Variants in SLC3A1 observed in about 807,000 individuals in gnomAD.
SLC3A1 encodes the protein solute carrier family 3 member 1, also known as amino acid transporter heavy chain SLC3A1.
Under a neutral mutation model 60.3 loss-of-function variants are expected in SLC3A1, and 78 were observed. The observed-to-expected ratio is 1.29, with a 90% CI of 1.08 to 1.56. SLC3A1 has a LOEUF of 1.56. Ranked by LOEUF, SLC3A1 falls within the 40% of genes most tolerant of loss-of-function variation. SLC3A1 has a pLI of 0.00. For missense variants in SLC3A1, 1,172 were observed against 858.9 expected (o/e 1.36, Z -4.56); for synonymous variants, 392 against 307.9 (o/e 1.27, Z -2.86).
chr2:44,317,458 T>TTA (rs1672516986), intron 9 of SLC3A1, among the ~76,000 whole-genome samples: 1 of 35,570 alleles, frequency 2.8e-5, no homozygotes, highest in African/African-American at 1.5e-4. Context: ...GGAGATTGTG[T>TTA]CAAAAAAAAA....
intron 9 of SLC3A1, chr2:44,314,282 A>G (rs1032394649): frequency 5.4e-6 from 3 of 554,514 alleles, no homozygotes; most frequent in Admixed American, 3.2e-5. Context: ...CTTCCCCTCA[A>G]AAGGCAGGGA....
Position 44,320,775 on chromosome 2 carries a change from TAAGA to T in SLC3A1, c.*140_*143del. 1 of 739,974 alleles carries T rather than the reference TAAGA, an allele frequency of 1.4e-6. No homozygotes were observed. The highest frequency in any genetic ancestry group is 2.3e-6 in the Non-Finnish European group (1 of 429,740). 45.8% of individuals were successfully genotyped at this position (739,974 alleles called of 1,614,324 possible). On this transcript the variant is annotated 3_prime_UTR_variant, in exon 10 of 10. Transcript: ENST00000260649. The stretch of plus-strand genomic sequence containing the variant: ...TTCTGTAGCTTGAATGTAACTGCTT[TAAGA>T]AAGGTTCTCAAATGTTTTGAAAAAA...
At chr2:44,296,861 T>C (rs934226351) in intron 4 of SLC3A1, among the ~76,000 whole-genome samples, 2 of 152,168 alleles carry the variant, frequency 1.3e-5, no homozygotes, top group African/African-American at 4.8e-5. Flanking sequence ...GTTCTCGTGA[T>C]AGTGAGTTCT....
chr2:44,321,535 T>A, downstream of SLC3A1: 1 of 1,537,560 alleles, frequency 6.5e-7, no homozygotes, highest in Non-Finnish European at 8.8e-7. Context: ...CATCTTTACC[T>A]AACCGTGAAG....
chr2:44,301,995 C>T (rs1180941505), intron 6 of SLC3A1, among the ~76,000 whole-genome samples: 1 of 152,172 alleles, frequency 6.6e-6, no homozygotes, highest in Non-Finnish European at 1.5e-5. Context: ...GTGGAGGTTG[C>T]AGTGAGCTGA....
intron 7 of SLC3A1, among the ~76,000 whole-genome samples, chr2:44,309,231 C>G (rs1672233886): frequency 6.6e-6 from 1 of 152,158 alleles, no homozygotes; most frequent in Non-Finnish European, 1.5e-5. Flanking sequence ...CACCACTAAC[C>G]CCTGATATCC....
At chr2:44,289,422 G>C (rs1232961941) in intron 4 of SLC3A1, among the ~76,000 whole-genome samples, 1 of 151,658 alleles carries the variant, frequency 6.6e-6, no homozygotes, top group Non-Finnish European at 1.5e-5. Context: ...TGTTGGCCAG[G>C]CTGGTCTCGA....
At chr2:44,280,563 G>T (rs1343792933) in intron 1 of SLC3A1, among the ~76,000 whole-genome samples, 153 bp from the exon 2 acceptor site, 3 of 152,118 alleles carry the variant, frequency 2.0e-5, no homozygotes, top group African/African-American at 7.2e-5. Context: ...TGTAGAGCTA[G>T]ATCTTCCTAT....
chr2:44,317,990 C>T (rs1204797906), intron 9 of SLC3A1: 7 of 333,986 alleles, frequency 2.1e-5, no homozygotes, highest in Non-Finnish European at 3.6e-5. Flanking sequence ...CCAGCTATAG[C>T]TATAAACACA....
intron 6 of SLC3A1, 38 bp downstream of exon 6, chr2:44,301,165 T>G: frequency 6.2e-7 from 1 of 1,613,810 alleles, no homozygotes; most frequent in Non-Finnish European, 8.5e-7. Context: ...TTCCCAGGCT[T>G]AGTGTGTGAT....
In SLC3A1 at chr2:44,321,275, A is replaced by T. The variant is rs1672915890; in HGVS notation, c.*636A>T. ...ATAACTTAAAAGTCTCAAGTTATTA[A>T]TTTTTTTTTTGCTAACTCAATTGGA... On this transcript the variant is annotated 3_prime_UTR_variant, in exon 10 of 10. Coordinates refer to ENST00000260649, the MANE Select transcript of SLC3A1 (RefSeq NM_000341.4). 1.8e-6 allele frequency: 2 copies of T among 1,093,076 alleles called. No individual in the cohort carries two copies. The highest frequency in any genetic ancestry group is 2.6e-6 in the Non-Finnish European group (2 of 769,562). The allele number at this position is 1,093,076 out of a possible 1,614,324, so 67.7% of individuals were successfully genotyped here. A position where few individuals can be genotyped will look rare whatever the true frequency, so the allele number is the denominator to read the frequency against.
chr2:44,320,600 C>T lies in SLC3A1; in HGVS notation c.2019C>T (p.Cys673=), dbSNP rs1672850616. The stretch of plus-strand genomic sequence containing the variant: ...GATGCTTTGTTTCCAATCGAGCATG[C>T]TATTCCAGTGTACTGAACATACTGT... The part of the protein sequence containing the change: ...RDRCFVSNRA[C]YSSVLNILYT... Residue 673 remains cysteine, a synonymous_variant, in exon 10 of 10, where the codon TGC becomes TGT. Transcript: ENST00000260649. 6.2e-7 allele frequency: 1 copy of T among 1,613,934 alleles called. No individual in the cohort carries two copies. The highest frequency in any genetic ancestry group is 1.3e-5 in the African/African-American group (1 of 75,002).
At chr2:44,319,225 A>C (rs991739022) in intron 9 of SLC3A1, 1 of 152,620 alleles carries the variant, frequency 6.6e-6, no homozygotes, top group Admixed American at 6.5e-5. Context: ...AATAACAACT[A>C]TCACCCCAGT....
chr2:44,305,017 G>A (rs1022494466), intron 7 of SLC3A1, among the ~76,000 whole-genome samples: 1 of 151,626 alleles, frequency 6.6e-6, no homozygotes, highest in Non-Finnish European at 1.5e-5. Context: ...TTTTAGTAGG[G>A]AGGGAGTTTC....
intron 4 of SLC3A1, among the ~76,000 whole-genome samples, chr2:44,288,532 G>C (rs1448051838): frequency 6.6e-6 from 1 of 152,060 alleles, no homozygotes; most frequent in Non-Finnish European, 1.5e-5. Context: ...GTATATCCCT[G>C]GTAGGTGTCT....
At chr2:44,291,474 T>A (rs1671738499) in intron 4 of SLC3A1, among the ~76,000 whole-genome samples, 1 of 152,190 alleles carries the variant, frequency 6.6e-6, no homozygotes, top group Non-Finnish European at 1.5e-5. Context: ...AAATCCCTCA[T>A]GTGATGAATC....
At chr2:44,295,470 C>G (rs529482737) in intron 4 of SLC3A1, among the ~76,000 whole-genome samples, 45 of 152,290 alleles carry the variant, frequency 3.0e-4, no homozygotes, top group African/African-American at 1.0e-3. Flanking sequence ...CTGAAGCTCT[C>G]TTTTCCCTCC....
rs1461067691 is a variant in SLC3A1 at position 44,301,128 on chromosome 2, G to T, written c.1136+1G>T. ...ACAGCACGGAGCCCGGCAGATACAG[G>T]TTGACCACGGCATATGCTCTCATTT... is the stretch of plus-strand genomic sequence containing the variant. On this transcript the variant is annotated splice_donor_variant, in intron 6 of 9. Transcript: ENST00000260649. LOFTEE classifies it high-confidence loss of function. 3.7e-6 allele frequency: 6 copies of T among 1,613,936 alleles called. No homozygotes were observed. Among genetic ancestry groups the T allele is most frequent in the Non-Finnish European group, 5.1e-6 (6 of 1,180,012 alleles).
chr2:44,301,027 C>G lies in SLC3A1; in HGVS notation c.1036C>G (p.Leu346Val), dbSNP rs777111328. The G allele has an allele frequency of 5.0e-6, 8 of 1,614,128 alleles. No individual in the cohort carries two copies. The highest frequency in any genetic ancestry group is 5.9e-6 in the Non-Finnish European group (7 of 1,180,010). ...GGACACGGTCACACAATACTCGGAG[C>G]TGTACCATGACTTCACCACCACGCA... is the stretch of plus-strand genomic sequence containing the variant. ...IPDTVTQYSE[L>V]YHDFTTTQVG... The change falls in exon 6 of 10, where the codon CTG (leucine) becomes GTG (valine). Residue 346 changes from leucine to valine, a missense_variant. Leu to Val is a conservative substitution (Grantham distance 32). Transcript: ENST00000260649.
Sources: gnomAD v4.1 joint callset for allele counts (sites outside exome capture counted in the v4.1 genomes callset) on GRCh38, gnomAD v4.1.1 for gene constraint, MANE v1.5 for transcripts, NCBI Gene and HGNC (gene_info 2026-07-23, HGNC 2026-07-21) for gene names.